The following GPC5 variants were observed in gnomAD, a reference collection of about 807,000 sequenced individuals.
GPC5 encodes the protein glypican 5.
A neutral mutation model predicts 53.9 loss-of-function variants in GPC5; 47 were observed. That is an observed-to-expected ratio of 0.87 (90% CI 0.69 to 1.11). GPC5 has a LOEUF of 1.11. GPC5 is among the 50% of genes most tolerant of loss of function. The pLI, the probability that GPC5 is intolerant of heterozygous loss-of-function variation, is 0.00. For missense variants in GPC5, 748 were observed against 713.1 expected (o/e 1.05, Z -0.56); for synonymous variants, 286 against 263.3 (o/e 1.09, Z -0.84).
intron 7 of GPC5, among the ~76,000 whole-genome samples, chr13:92,410,743 T>G (rs562190510): frequency 6.6e-6 from 1 of 152,318 alleles, no homozygotes; most frequent in South Asian, 2.1e-4. Context: ...ATTAAATTGT[T>G]CTCCTCAAGC....
At chr13:92,172,195 A>G (rs1160598475) in intron 7 of GPC5, among the ~76,000 whole-genome samples, 1 of 152,156 alleles carries the variant, frequency 6.6e-6, no homozygotes, top group Non-Finnish European at 1.5e-5. Flanking sequence ...GAAGGAGAGT[A>G]CTTGTGTGTT....
intron 7 of GPC5, among the ~76,000 whole-genome samples, chr13:92,750,656 A>G (rs773585287): frequency 2.0e-4 from 31 of 152,130 alleles, no homozygotes; most frequent in African/African-American, 6.8e-4. Context: ...TAGTTACACT[A>G]TTTTCTACAC....
At chr13:91,719,046 G>GAA (rs34325528) in intron 3 of GPC5, among the ~76,000 whole-genome samples, 4 of 148,172 alleles carry the variant, frequency 2.7e-5, no homozygotes, top group African/African-American at 9.9e-5. Context: ...CAGTTAAAGA[G>GAA]AAAAAAAAAA....
At chr13:92,755,109 C>G (rs1874796646) in intron 7 of GPC5, among the ~76,000 whole-genome samples, 1 of 149,020 alleles carries the variant, frequency 6.7e-6, no homozygotes, top group Admixed American at 6.7e-5. Flanking sequence ...TGTAAAAGAA[C>G]AGAAATTATA....
chr13:92,542,977 A>G (rs1007742906), intron 7 of GPC5, among the ~76,000 whole-genome samples: 3 of 151,992 alleles, frequency 2.0e-5, no homozygotes, highest in Non-Finnish European at 4.4e-5. Context: ...GATTGAATCT[A>G]TTAGCATATC....
At chr13:91,896,265 A>G (rs556314370) in intron 5 of GPC5, among the ~76,000 whole-genome samples, 8 of 151,814 alleles carry the variant, frequency 5.3e-5, no homozygotes, top group African/African-American at 1.9e-4. Context: ...GACTACAGGC[A>G]CGTGCCACCA....
chr13:91,420,344 T>A (rs9583922), intron 1 of GPC5, among the ~76,000 whole-genome samples: 18,325 of 152,134 alleles, frequency 0.12, 1,974 homozygotes, highest in African/African-American at 0.29. Context: ...ATTTTATGAG[T>A]ATATAGCTGT....
At chr13:91,481,243 T>A (rs1264210036) in intron 2 of GPC5, among the ~76,000 whole-genome samples, 1 of 152,192 alleles carries the variant, frequency 6.6e-6, no homozygotes, top group Non-Finnish European at 1.5e-5. Context: ...TTGTAGTATT[T>A]CTAATCTTGT....
chr13:91,565,482 A>C (rs2031487842), intron 2 of GPC5, among the ~76,000 whole-genome samples: 2 of 152,182 alleles, frequency 1.3e-5, no homozygotes, highest in Non-Finnish European at 2.9e-5. Context: ...TTGGCCCAGA[A>C]CAAAAGGCAG....
At chr13:91,873,235 G>A (rs1031299025) in intron 5 of GPC5, among the ~76,000 whole-genome samples, 4 of 152,052 alleles carry the variant, frequency 2.6e-5, no homozygotes, top group Admixed American at 1.3e-4. Context: ...AGTGTTTCTG[G>A]GAAGTATTTT....
Position 91,853,308 on chromosome 13 carries a change from G to T in GPC5, c.1281-54629G>T, listed in dbSNP as rs1193326287. On this transcript the variant is annotated intron_variant, in intron 5 of 7. Coordinates refer to ENST00000377067, the MANE Select transcript of GPC5 (RefSeq NM_004466.6). Reference sequence around the variant, plus strand: ...ATGTGGATGAGACTTTTTCTTGGAAGAATTTTATTCCTTTTTTCATTTAAA... The same window carrying T: ...ATGTGGATGAGACTTTTTCTTGGAATAATTTTATTCCTTTTTTCATTTAAA... 3.3e-5 allele frequency among the ~76,000 whole-genome samples: 5 copies of T among 151,942 alleles called. No individual in the cohort carries two copies. In the East Asian group the frequency reaches 9.6e-4, roughly 29 times the overall value.
intron 4 of GPC5, among the ~76,000 whole-genome samples, chr13:91,742,708 A>T (rs1389334241): frequency 6.6e-6 from 1 of 151,882 alleles, no homozygotes; most frequent in African/African-American, 2.4e-5. Flanking sequence ...TGCAATTGGA[A>T]CTCCCCTAGT....
At chr13:91,484,016 G>A (rs912628188) in intron 2 of GPC5, among the ~76,000 whole-genome samples, 1 of 152,092 alleles carries the variant, frequency 6.6e-6, no homozygotes, top group Non-Finnish European at 1.5e-5. Context: ...AATTGTACAA[G>A]CTATTTTTTT....
At chr13:91,841,647 G>T (rs188738301) in intron 5 of GPC5, among the ~76,000 whole-genome samples, 3 of 152,034 alleles carry the variant, frequency 2.0e-5, no homozygotes, top group African/African-American at 2.4e-5. Flanking sequence ...AAATAAGAAG[G>T]CATTGGATTT....
In GPC5 at chr13:92,223,416, G is replaced by T. The variant is rs185162414; in HGVS notation, c.1561+78427G>T. ...AGTGACAGAACTTTATCCTTAAAAA[G>T]CTTCAGGGGTCTTCTATCAGCAGAA... On this transcript the variant is annotated intron_variant, in intron 7 of 7. Transcript: ENST00000377067. 3.3e-3 allele frequency among the ~76,000 whole-genome samples: 506 copies of T among 152,164 alleles called. 4 individuals carry two copies. The highest frequency in any genetic ancestry group is 0.012 in the African/African-American group (482 of 41,524).
chr13:92,019,850 T>C (rs187190435), intron 6 of GPC5, among the ~76,000 whole-genome samples: 142 of 152,252 alleles, frequency 9.3e-4, no homozygotes, highest in African/African-American at 3.2e-3. Flanking sequence ...TTTGCTACTT[T>C]GAATAATTCA....
intron 2 of GPC5, among the ~76,000 whole-genome samples, chr13:91,455,002 A>G (rs1881439386): frequency 6.6e-6 from 1 of 152,058 alleles, no homozygotes; most frequent in East Asian, 1.9e-4. Context: ...GGAGATTACA[A>G]CTAGTTATGT....
At chr13:92,220,564 C>G (rs1360255890) in intron 7 of GPC5, among the ~76,000 whole-genome samples, 1 of 152,168 alleles carries the variant, frequency 6.6e-6, no homozygotes, top group African/African-American at 2.4e-5. Flanking sequence ...GGGAAGTAAA[C>G]TTAACTATAC....
At chr13:92,064,764 A>AAAACAAAACAAAACAAAAC (rs1555308146) in intron 6 of GPC5, among the ~76,000 whole-genome samples, 2 of 138,468 alleles carry the variant, frequency 1.4e-5, no homozygotes, top group African/African-American at 2.6e-5. Flanking sequence ...CTCAAAAAAA[A>AAAACAAAACAAAACAAAAC]AAAACAAAAC....
Sources: gnomAD v4.1 joint callset for allele counts (sites outside exome capture counted in the v4.1 genomes callset) on GRCh38, gnomAD v4.1.1 for gene constraint, MANE v1.5 for transcripts, NCBI Gene and HGNC (gene_info 2026-07-23, HGNC 2026-07-21) for gene names.